Variants in PABPC4L observed in about 807,000 individuals in gnomAD.
PABPC4L encodes the protein poly(A) binding protein cytoplasmic 4 like.
For synonymous variants in PABPC4L, 169 were observed against 164.1 expected (o/e 1.03, Z -0.23); for missense variants, 452 against 451.4 (o/e 1.00, Z -0.01).
chr4:134,129,721 G>C, the PABPC4L span, among the ~76,000 whole-genome samples: 1 of 151,362 alleles, frequency 6.6e-6, no homozygotes, highest in South Asian at 2.1e-4. Flanking sequence ...AAAACCTCTG[G>C]GATACAGCAA....
At chr4:134,086,247 T>C in the PABPC4L span, among the ~76,000 whole-genome samples, 1 of 152,086 alleles carries the variant, frequency 6.6e-6, no homozygotes, top group Non-Finnish European at 1.5e-5. Context: ...CTTATTTGGA[T>C]TGTCTATCTA....
At chr4:134,145,511 C>T in the PABPC4L span, among the ~76,000 whole-genome samples, 1 of 151,824 alleles carries the variant, frequency 6.6e-6, no homozygotes, top group African/African-American at 2.4e-5. Flanking sequence ...AGTCTATTTT[C>T]TTTCTATGAA....
chr4:134,173,064 T>C, the PABPC4L span, among the ~76,000 whole-genome samples: 13,751 of 147,406 alleles, frequency 0.093, 697 homozygotes, highest in South Asian at 0.13. Flanking sequence ...CAATAACAAA[T>C]GCTGATGAGG....
the PABPC4L span, among the ~76,000 whole-genome samples, chr4:133,963,771 A>G: frequency 6.6e-6 from 1 of 152,156 alleles, no homozygotes; most frequent in Non-Finnish European, 1.5e-5. Flanking sequence ...AAATTCTTCA[A>G]ACTGAATGAC....
At chr4:134,062,672 A>G in the PABPC4L span, among the ~76,000 whole-genome samples, 1 of 152,132 alleles carries the variant, frequency 6.6e-6, no homozygotes, top group East Asian at 1.9e-4. Flanking sequence ...TGATGAAATC[A>G]ATTTTATGAT....
the PABPC4L span, among the ~76,000 whole-genome samples, chr4:134,040,340 C>T: frequency 6.6e-6 from 1 of 151,994 alleles, no homozygotes; most frequent in Admixed American, 6.6e-5. Flanking sequence ...TACAAGCCTA[C>T]AGTAACCAAA....
At chr4:134,085,076 GCTC>G in the PABPC4L span, among the ~76,000 whole-genome samples, 727 of 152,020 alleles carry the variant, frequency 4.8e-3, 6 homozygotes, top group African/African-American at 0.017. Flanking sequence ...GGCTCCACCC[GCTC>G]CTCCTAGTGA....
the PABPC4L span, among the ~76,000 whole-genome samples, chr4:134,088,175 T>C: frequency 6.6e-6 from 1 of 152,054 alleles, no homozygotes; most frequent in African/African-American, 2.4e-5. Context: ...ATTAGAATAT[T>C]CTGGGGTTTA....
chr4:134,094,147 A>G, the PABPC4L span, among the ~76,000 whole-genome samples: 1 of 152,094 alleles, frequency 6.6e-6, no homozygotes, highest in Admixed American at 6.6e-5. Flanking sequence ...ATAAATTATA[A>G]AATAACAAAC....
At chr4:134,130,528 T>C in the PABPC4L span, among the ~76,000 whole-genome samples, 2 of 152,014 alleles carry the variant, frequency 1.3e-5, no homozygotes, top group East Asian at 3.9e-4. Flanking sequence ...AAGATTGAAA[T>C]GGTAATTAAA....
the PABPC4L span, among the ~76,000 whole-genome samples, chr4:134,033,778 T>C: frequency 1.3e-5 from 2 of 151,888 alleles, no homozygotes; most frequent in African/African-American, 4.8e-5. Flanking sequence ...TGAAGCTAGC[T>C]GAGGTTGGTT....
At chr4:134,151,787 T>C in the PABPC4L span, among the ~76,000 whole-genome samples, 2 of 151,884 alleles carry the variant, frequency 1.3e-5, no homozygotes, top group East Asian at 1.9e-4. Flanking sequence ...AAATTTAAAA[T>C]ACTTTGAAAT....
the PABPC4L span, among the ~76,000 whole-genome samples, chr4:134,115,934 A>G: frequency 2.6e-5 from 4 of 151,848 alleles, no homozygotes; most frequent in African/African-American, 9.7e-5. Flanking sequence ...TTATTTGTAT[A>G]AAAGAATATA....
At chr4:133,949,143 C>A in the PABPC4L span, among the ~76,000 whole-genome samples, 1 of 152,050 alleles carries the variant, frequency 6.6e-6, no homozygotes, top group Non-Finnish European at 1.5e-5. Flanking sequence ...GTATTTTATC[C>A]CTTAAAGTTC....
chr4:134,121,597 C>CA, the PABPC4L span, among the ~76,000 whole-genome samples: 16 of 151,840 alleles, frequency 1.1e-4, no homozygotes, highest in East Asian at 2.9e-3. Flanking sequence ...GAGATGTTTT[C>CA]ACTATCCACT....
At chr4:133,993,370 G>A in the PABPC4L span, among the ~76,000 whole-genome samples, 1 of 152,138 alleles carries the variant, frequency 6.6e-6, no homozygotes, top group Middle Eastern at 3.2e-3. Flanking sequence ...GTGAGCTGAT[G>A]TAAGCCAGAC....
chr4:134,120,226 T>A, the PABPC4L span, among the ~76,000 whole-genome samples: 22 of 148,886 alleles, frequency 1.5e-4, no homozygotes, highest in African/African-American at 5.4e-4. Context: ...CTCCAAGCCC[T>A]AACCAGCACT....
chr4:133,976,809 T>C, the PABPC4L span, among the ~76,000 whole-genome samples: 9 of 152,148 alleles, frequency 5.9e-5, no homozygotes, highest in Middle Eastern at 3.2e-3. Flanking sequence ...AATGGGGTTG[T>C]TTGTTTATTC....
chr4:134,090,638 C>G, the PABPC4L span, among the ~76,000 whole-genome samples: 1 of 151,922 alleles, frequency 6.6e-6, no homozygotes, highest in Non-Finnish European at 1.5e-5. Flanking sequence ...GGTGGCATAC[C>G]TGTAGTCCTA....
Sources: gnomAD v4.1 joint callset for allele counts (sites outside exome capture counted in the v4.1 genomes callset) on GRCh38, gnomAD v4.1.1 for gene constraint, MANE v1.5 for transcripts, NCBI Gene and HGNC (gene_info 2026-07-23, HGNC 2026-07-21) for gene names.